RCBTB2: variants seen among roughly 807,000 people sequenced by gnomAD.
RCBTB2 encodes the protein RCC1 and BTB domain-containing protein 2.
A neutral mutation model predicts 65.4 loss-of-function variants in RCBTB2; 55 were observed. The observed-to-expected ratio is 0.84, with a 90% CI of 0.68 to 1.05. RCBTB2 has a LOEUF of 1.05. RCBTB2 is among the 50% of genes least tolerant of loss of function. The probability of loss-of-function intolerance (pLI) is 0.00; values close to 1 mark genes in which losing one functional copy is unlikely to be tolerated. For synonymous variants in RCBTB2, 220 were observed against 255.2 expected (o/e 0.86, Z 1.31); for missense variants, 599 against 680.1 (o/e 0.88, Z 1.33).
At chr13:48,494,697 G>C (rs563789225) in intron 14 of RCBTB2, among the ~76,000 whole-genome samples, 2 of 152,282 alleles carry the variant, frequency 1.3e-5, no homozygotes, top group African/African-American at 4.8e-5. Flanking sequence ...CATCTGAGAT[G>C]GCCCTCCATC....
At chr13:48,524,112 C>CT (rs959150804) in intron 2 of RCBTB2, among the ~76,000 whole-genome samples, 31 of 145,860 alleles carry the variant, frequency 2.1e-4, no homozygotes, top group South Asian at 1.1e-3. Flanking sequence ...AGATGGTTGG[C>CT]TTTTTTTTTT....
At chr13:48,496,103 C>T (rs1369359324) in intron 14 of RCBTB2, 88 bp downstream of exon 14, 1 of 1,252,588 alleles carries the variant, frequency 8.0e-7, no homozygotes. Context: ...TTTCCTCTAC[C>T]CAGACTTTCT....
chr13:48,511,498 C>T (rs1335809211), intron 9 of RCBTB2, among the ~76,000 whole-genome samples: 1 of 152,122 alleles, frequency 6.6e-6, no homozygotes, highest in African/African-American at 2.4e-5. Context: ...AGGAGTAGAA[C>T]TACAGGTCAA....
intron 1 of RCBTB2, chr13:48,532,258 G>A (rs909433007): frequency 2.0e-5 from 3 of 152,250 alleles, no homozygotes; most frequent in African/African-American, 7.2e-5. Context: ...TTCCAGGGCT[G>A]AGCAGAGCAC....
rs1335928687 is a variant in RCBTB2 at position 48,528,839 on chromosome 13, G to C, written c.-218-4082C>G. On this transcript the variant is annotated intron_variant, in intron 1 of 14. Transcript: ENST00000344532. ...ATTAAAATGGAACAATTATAAACAG[G>C]ACGGACAAAACTAAAACACTAAAAG... Among the ~76,000 whole-genome samples the C allele has an allele frequency of 2.0e-5, 3 of 152,060 alleles. No individual in the cohort carries two copies. In the East Asian group the frequency reaches 5.8e-4, roughly 29 times the overall value.
chr13:48,530,170 G>A (rs1201760894), intron 1 of RCBTB2, among the ~76,000 whole-genome samples: 1 of 152,010 alleles, frequency 6.6e-6, no homozygotes. Context: ...CCAAAGCGCT[G>A]GGATTACAGG....
chr13:48,511,610 CA>C (rs533820080), intron 9 of RCBTB2, among the ~76,000 whole-genome samples, 159 bp downstream of exon 9: 22 of 152,166 alleles, frequency 1.4e-4, no homozygotes, highest in Non-Finnish European at 2.1e-4. Flanking sequence ...TGAACAGCTG[CA>C]ATTTAATTCA....
chr13:48,527,360 T>TA (rs1491482035), intron 1 of RCBTB2, among the ~76,000 whole-genome samples: 10,054 of 113,192 alleles, frequency 0.089, 1,856 homozygotes, highest in African/African-American at 0.47. Context: ...ATGATATATA[T>TA]TTATATATGA....
At chr13:48,525,512 T>C (rs923739853) in intron 1 of RCBTB2, among the ~76,000 whole-genome samples, 7 of 150,774 alleles carry the variant, frequency 4.6e-5, no homozygotes, top group Non-Finnish European at 1.0e-4. Flanking sequence ...TTTTCTACTT[T>C]ATGCTATTTT....
chr13:48,490,294 T>A (rs1171390990), intron 14 of RCBTB2, 43 bp from the exon 15 acceptor site: 3 of 1,550,444 alleles, frequency 1.9e-6, no homozygotes, highest in African/African-American at 1.4e-5. Context: ...TCATATTTAC[T>A]AATTCAATGC....
chr13:48,490,682 A>C (rs1157335330), intron 14 of RCBTB2, among the ~76,000 whole-genome samples: 2 of 152,226 alleles, frequency 1.3e-5, no homozygotes, highest in Non-Finnish European at 2.9e-5. Context: ...TGGAAGAAAA[A>C]GGTAAGCCAT....
chr13:48,491,481 A>T (rs1026970681), intron 14 of RCBTB2, among the ~76,000 whole-genome samples: 1 of 152,242 alleles, frequency 6.6e-6, no homozygotes, highest in Non-Finnish European at 1.5e-5. Flanking sequence ...TATACATAAA[A>T]ATGTGCTTCA....
intron 2 of RCBTB2, among the ~76,000 whole-genome samples, 154 bp from the exon 3 acceptor site, chr13:48,522,557 C>T (rs1000499211): frequency 9.2e-5 from 14 of 152,216 alleles, no homozygotes; most frequent in African/African-American, 3.1e-4. Flanking sequence ...ACCATGCCCA[C>T]ATCACCTACT....
chr13:48,507,209 C>T (rs1950549106), intron 10 of RCBTB2, among the ~76,000 whole-genome samples: 1 of 152,248 alleles, frequency 6.6e-6, no homozygotes, highest in South Asian at 2.1e-4. Flanking sequence ...ATTTGGTTGG[C>T]TGCAGTAGCT....
chr13:48,521,963 C>T lies in RCBTB2; in HGVS notation c.-23-1G>A, dbSNP rs1264384242. On this transcript the variant is annotated splice_acceptor_variant, in intron 3 of 14. Transcript: ENST00000344532. LOFTEE classifies it low-confidence loss of function (5UTR_SPLICE). ...ATATGGACTCAGTCCTGGGCAGTCC[C>T]TGAGGAAAAAGTATGTGGTAAAATC... 1.9e-6 allele frequency: 3 copies of T among 1,612,040 alleles called. No individual in the cohort carries two copies. In the Admixed American group the frequency reaches 5.0e-5, roughly 27 times the overall value.
At chr13:48,528,782 T>C (rs1039959608) in intron 1 of RCBTB2, among the ~76,000 whole-genome samples, 1 of 152,138 alleles carries the variant, frequency 6.6e-6, no homozygotes. Flanking sequence ...CTAAAATCAA[T>C]GACAAGTAAC....
In RCBTB2 at chr13:48,496,305, A is replaced by C; in HGVS notation, c.1401T>G (p.Ala467=). The C allele has an allele frequency of 6.3e-7, 1 of 1,583,136 alleles. No individual in the cohort carries two copies. Among genetic ancestry groups the C allele is most frequent in the Non-Finnish European group, 8.6e-7 (1 of 1,165,474 alleles). Residue 467 remains alanine, a synonymous_variant, in exon 14 of 15, where the codon GCT becomes GCG. Coordinates refer to ENST00000344532, the MANE Select transcript of RCBTB2 (RefSeq NM_001268.4). The stretch of plus-strand genomic sequence containing the variant: ...TCAAACGATTTTCTCTATAAAATGT[A>C]GCCAAGTCTAGCAGTCCTGGCGGAA... ...PEEAVGLLDL[A]TFYRENRLKK...
chr13:48,496,138 A>G, intron 14 of RCBTB2, 53 bp downstream of exon 14: 1 of 1,404,650 alleles, frequency 7.1e-7, no homozygotes, highest in Non-Finnish European at 9.3e-7. Context: ...CGAGGCAGAC[A>G]CCTGGGTTCC....
intron 13 of RCBTB2, among the ~76,000 whole-genome samples, chr13:48,498,806 C>T (rs1950092546): frequency 6.6e-6 from 1 of 152,082 alleles, no homozygotes; most frequent in South Asian, 2.1e-4. Flanking sequence ...CAGAGCAAGC[C>T]TGTTGTTCTC....
Sources: allele counts gnomAD v4.1 joint callset (sites outside exome capture counted in the v4.1 genomes callset), GRCh38; gene constraint gnomAD v4.1.1; transcripts MANE v1.5; gene names NCBI Gene and HGNC (gene_info 2026-07-23, HGNC 2026-07-21).